GULP1: variants seen among roughly 807,000 people sequenced by gnomAD.
GULP1 encodes the protein GULP PTB domain containing engulfment adaptor 1.
A neutral mutation model predicts 40.9 loss-of-function variants in GULP1; 19 were observed. The ratio of observed to expected loss-of-function variants is 0.46; its 90% confidence interval spans 0.32 to 0.68. The LOEUF is 0.68. Ranked by LOEUF, GULP1 falls within the 30% of genes least tolerant of loss-of-function variation. The pLI is 0.03. For missense variants in GULP1, 312 were observed against 362.2 expected (o/e 0.86, Z 1.12); for synonymous variants, 119 against 117.6 (o/e 1.01, Z -0.08).
intron 8 of GULP1, 64 bp downstream of exon 8, chr2:188,569,419 G>A (rs188828356): frequency 1.2e-5 from 10 of 861,578 alleles, no homozygotes; most frequent in Admixed American, 5.1e-5. Context: ...CTTGCATATC[G>A]TCAAACAAAT....
In GULP1 at chr2:188,323,882, T is replaced by C. The variant is rs568436050; in HGVS notation, c.-172+31716T>C. ...TGCTGGCGTATCCTCTCAATTTTGC[T>C]CTCTCCTCTATGATTTACCTTCTGG... is the stretch of plus-strand genomic sequence containing the variant. On this transcript the variant is annotated intron_variant, in intron 1 of 11. Transcript: ENST00000409830. Among the ~76,000 whole-genome samples, 6 of 152,076 alleles carry C rather than the reference T, an allele frequency of 3.9e-5. No individual in the cohort carries two copies. The East Asian group carries it at 1.2e-3, about 29-fold the overall frequency.
At chr2:188,523,351 G>A (rs970930289) in intron 5 of GULP1, among the ~76,000 whole-genome samples, 2 of 152,162 alleles carry the variant, frequency 1.3e-5, no homozygotes. Context: ...GAGACTAAGA[G>A]AGGAGAGAAG....
intron 2 of GULP1, among the ~76,000 whole-genome samples, chr2:188,442,965 T>C (rs1003308295): frequency 6.6e-6 from 1 of 152,110 alleles, no homozygotes; most frequent in African/African-American, 2.4e-5. Flanking sequence ...AATATACAGG[T>C]GCATAAACAG....
intron 1 of GULP1, among the ~76,000 whole-genome samples, chr2:188,363,675 T>G (rs748466643): frequency 2.6e-5 from 4 of 152,106 alleles, no homozygotes; most frequent in Non-Finnish European, 4.4e-5. Flanking sequence ...AAGCAAAATA[T>G]TAGGTCGGAG....
chr2:188,339,946 G>A (rs1182601933), intron 1 of GULP1, among the ~76,000 whole-genome samples: 1 of 152,158 alleles, frequency 6.6e-6, no homozygotes, highest in Non-Finnish European at 1.5e-5. Context: ...GGACTTTAAA[G>A]TACTGTTCAC....
intron 4 of GULP1, among the ~76,000 whole-genome samples, chr2:188,510,210 A>G (rs2064362662): frequency 6.6e-6 from 1 of 152,118 alleles, no homozygotes; most frequent in African/African-American, 2.4e-5. Flanking sequence ...TGGGAAGATT[A>G]TTTTGTGTAA....
chr2:188,584,793 G>T (rs1702021752), intron 10 of GULP1, among the ~76,000 whole-genome samples: 1 of 151,718 alleles, frequency 6.6e-6, no homozygotes, highest in Non-Finnish European at 1.5e-5. Context: ...TTATCATAGG[G>T]TTTATGGACT....
In GULP1 at chr2:188,368,933, A is replaced by ATATG. The variant is rs1274644956; in HGVS notation, c.-171-14829_-171-14828insATGT. ...AGAATATATATATATGTATATATAT[A>ATATG]TGTGTGTATATATATATATATATAT... is the stretch of plus-strand genomic sequence containing the variant. On this transcript the variant is annotated intron_variant, in intron 1 of 11. Transcript: ENST00000409830. Among the ~76,000 whole-genome samples, 188 of 43,280 alleles carry ATATG rather than the reference A, an allele frequency of 4.3e-3. 5 individuals carry two copies. The highest frequency in any genetic ancestry group is 0.013 in the African/African-American group (118 of 8,850). The allele number at this position is 43,280 out of a possible 152,430, so 28.4% of individuals were successfully genotyped here.
chr2:188,586,881 AATTT>A (rs1702493742), intron 10 of GULP1, among the ~76,000 whole-genome samples: 1 of 151,708 alleles, frequency 6.6e-6, no homozygotes, highest in African/African-American at 2.4e-5. Context: ...TTAATTTTTT[AATTT>A]TTTAATTTTT....
intron 7 of GULP1, among the ~76,000 whole-genome samples, chr2:188,562,205 A>G (rs2153414048): frequency 6.6e-6 from 1 of 152,308 alleles, no homozygotes; most frequent in East Asian, 1.9e-4. Context: ...TCCTGGGAGC[A>G]GTTCTATCAC....
chr2:188,311,863 TATAA>T (rs1298333543), intron 1 of GULP1, among the ~76,000 whole-genome samples: 2 of 148,288 alleles, frequency 1.3e-5, no homozygotes, highest in Admixed American at 6.8e-5. Flanking sequence ...CATTATATAT[TATAA>T]ATATATACAC....
chr2:188,548,778 C>A (rs894331375), intron 7 of GULP1, among the ~76,000 whole-genome samples: 4 of 151,846 alleles, frequency 2.6e-5, no homozygotes, highest in African/African-American at 9.7e-5. Context: ...AGAAATATGC[C>A]CAGCTAATGT....
At chr2:188,529,038 T>G (rs1456548458) in intron 5 of GULP1, 59 bp from the exon 6 acceptor site, 1 of 820,228 alleles carries the variant, frequency 1.2e-6, no homozygotes, top group African/African-American at 1.8e-5. Context: ...GTATATTTAT[T>G]TTTGTTCATT....
At chr2:188,433,616 A>G (rs1043277247) in intron 2 of GULP1, among the ~76,000 whole-genome samples, 1 of 152,130 alleles carries the variant, frequency 6.6e-6, no homozygotes, top group Non-Finnish European at 1.5e-5. Flanking sequence ...GGGGCTTTCA[A>G]TGGGCACATC....
chr2:188,408,067 AG>A (rs377412968), intron 2 of GULP1, among the ~76,000 whole-genome samples: 10 of 152,292 alleles, frequency 6.6e-5, no homozygotes, highest in African/African-American at 2.2e-4. Context: ...TACTGGAGGT[AG>A]GGCCTTTGGG....
intron 1 of GULP1, among the ~76,000 whole-genome samples, chr2:188,333,244 T>TAAAA (rs750888192): frequency 7.3e-6 from 1 of 136,952 alleles, no homozygotes; most frequent in African/African-American, 2.7e-5. Context: ...AGACCTTGTC[T>TAAAA]AAAAAAAAAA....
chr2:188,583,745 T>C (rs1047711832), intron 9 of GULP1, among the ~76,000 whole-genome samples: 7 of 152,146 alleles, frequency 4.6e-5, no homozygotes, highest in African/African-American at 1.7e-4. Context: ...TGGTTCCCAT[T>C]GTTGATATAA....
At chr2:188,334,180 T>C (rs974208875) in intron 1 of GULP1, among the ~76,000 whole-genome samples, 4 of 152,188 alleles carry the variant, frequency 2.6e-5, no homozygotes, top group Admixed American at 1.3e-4. Context: ...TACATGCTCT[T>C]TTGCCTGTCA....
chr2:188,547,105 T>G (rs945354256), intron 7 of GULP1, among the ~76,000 whole-genome samples: 2 of 150,484 alleles, frequency 1.3e-5, no homozygotes, highest in East Asian at 3.9e-4. Context: ...CACTGGAGAA[T>G]TCTATAAAAT....
Sources: allele counts gnomAD v4.1 joint callset (sites outside exome capture counted in the v4.1 genomes callset), GRCh38; gene constraint gnomAD v4.1.1; transcripts MANE v1.5; gene names NCBI Gene and HGNC (gene_info 2026-07-23, HGNC 2026-07-21).